INTS8: variants seen among roughly 807,000 people sequenced by gnomAD.
INTS8 encodes protein kaonashi-1.
In INTS8, 47 loss-of-function variants were observed where a neutral mutation model predicts 138.9. The observed-to-expected ratio is 0.34, with a 90% CI of 0.27 to 0.43. INTS8 has a LOEUF of 0.43. Ranked by LOEUF, INTS8 falls within the 20% of genes least tolerant of loss-of-function variation. INTS8 has a pLI of 1.00. For synonymous variants in INTS8, 392 were observed against 400.9 expected, an observed-to-expected ratio of 0.98 and a Z score of 0.27; for missense variants, 996 against 1,173.0, an observed-to-expected ratio of 0.85 and a Z score of 2.20.
At chr8:94,873,324 T>C (rs1232737529) in intron 21 of INTS8, 50 bp from the exon 22 acceptor site, 8 of 1,262,042 alleles carry the variant, frequency 6.3e-6, no homozygotes, top group Middle Eastern at 2.0e-4. Flanking sequence ...AAGGAATCCC[T>C]GTTTTTCAAC....
At chr8:94,850,479 G>A (rs966555148) in intron 12 of INTS8, among the ~76,000 whole-genome samples, 1 of 152,150 alleles carries the variant, frequency 6.6e-6, no homozygotes, top group Admixed American at 6.5e-5. Context: ...AGGCATGGTG[G>A]TGGGCGCCTG....
At chr8:94,824,839 G>C in intron 1 of INTS8, 54 bp from the exon 2 acceptor site, 2 of 835,130 alleles carry the variant, frequency 2.4e-6, no homozygotes, top group Non-Finnish European at 3.3e-6. Flanking sequence ...GAATCCTTTT[G>C]TATCTACATA....
chr8:94,869,996 A>C (rs1816334487), intron 20 of INTS8, among the ~76,000 whole-genome samples: 1 of 152,072 alleles, frequency 6.6e-6, no homozygotes, highest in Non-Finnish European at 1.5e-5. Context: ...CATGTTCCCC[A>C]TCTCTAAAAT....
intron 20 of INTS8, 188 bp downstream of exon 20, chr8:94,867,525 T>A (rs889807691): frequency 1.1e-5 from 3 of 271,700 alleles, no homozygotes; most frequent in Non-Finnish European, 1.4e-5. Context: ...ATAACCCTTT[T>A]TTTTTTTTTT....
At chr8:94,845,498 T>C (rs184306096) in intron 10 of INTS8, among the ~76,000 whole-genome samples, 118 of 152,314 alleles carry the variant, frequency 7.7e-4, no homozygotes, top group African/African-American at 2.7e-3. Flanking sequence ...TCCCTCATTC[T>C]GTTGCCCAGG....
At chr8:94,865,183 T>C (rs1317183906) in intron 16 of INTS8, among the ~76,000 whole-genome samples, 2 of 152,152 alleles carry the variant, frequency 1.3e-5, no homozygotes, top group African/African-American at 2.4e-5. Context: ...GATCATACTA[T>C]GTGTATTTAG....
Position 94,823,624 on chromosome 8 carries a change from C to T in INTS8, c.130+63C>T, listed in dbSNP as rs1359083589. On this transcript the variant is annotated intron_variant, in intron 1 of 26. Coordinates refer to ENST00000523731, the MANE Select transcript of INTS8 (RefSeq NM_017864.4). The stretch of plus-strand genomic sequence containing the variant: ...CCACCGGCGCTGTCCGCCCAGCTTC[C>T]CTCCGCTCCCCGCCTTCTCGGTCAC... 6 of 1,314,912 alleles carry T rather than the reference C, an allele frequency of 4.6e-6. No homozygotes were observed. In the African/African-American group the frequency reaches 9.1e-5, roughly 20 times the overall value. The allele number at this position is 1,314,912 out of a possible 1,614,324, so 81.5% of individuals were successfully genotyped here.
At chr8:94,855,547 A>G (rs747804166) in intron 14 of INTS8, among the ~76,000 whole-genome samples, 3 of 152,192 alleles carry the variant, frequency 2.0e-5, no homozygotes, top group Non-Finnish European at 4.4e-5. Flanking sequence ...TCTACACCTA[A>G]CATAACATTT....
chr8:94,856,697 CTT>C, intron 14 of INTS8, 78 bp from the exon 15 acceptor site: 1 of 1,130,014 alleles, frequency 8.8e-7, no homozygotes, highest in East Asian at 2.3e-5. Flanking sequence ...TCCTTCTCCT[CTT>C]TGCTCTGTCA....
chr8:94,853,298 C>T lies in INTS8; in HGVS notation c.1642-507C>T, dbSNP rs531351182. On this transcript the variant is annotated intron_variant, in intron 13 of 26. Coordinates refer to ENST00000523731, the MANE Select transcript of INTS8 (RefSeq NM_017864.4). The stretch of plus-strand genomic sequence containing the variant: ...CTGCACTCCAGCCTGGGTGACGGAG[C>T]GAGACTCTATCTCAAAAATCAAGAA... 7.2e-5 allele frequency among the ~76,000 whole-genome samples: 11 copies of T among 152,016 alleles called. No individual in the cohort carries two copies. In the South Asian group the frequency reaches 1.7e-3, roughly 23 times the overall value.
intron 12 of INTS8, 135 bp downstream of exon 12, chr8:94,850,226 C>T: frequency 1.6e-6 from 1 of 620,410 alleles, no homozygotes; most frequent in South Asian, 2.3e-5. Context: ...ATTCACCTGT[C>T]TTCCGTATCA....
chr8:94,845,864 A>G (rs941752775), intron 10 of INTS8, among the ~76,000 whole-genome samples: 1 of 152,200 alleles, frequency 6.6e-6, no homozygotes, highest in Non-Finnish European at 1.5e-5. Flanking sequence ...GCCAGTTTAG[A>G]AAGAAATTAT....
intron 6 of INTS8, 35 bp downstream of exon 6, chr8:94,832,209 T>G (rs1814745735): frequency 1.9e-5 from 30 of 1,557,618 alleles, no homozygotes; most frequent in Non-Finnish European, 2.4e-5. Flanking sequence ...GTAGGGCAAT[T>G]TTTTGGAAAA....
intron 24 of INTS8, 33 bp downstream of exon 24, chr8:94,876,180 A>G (rs905990899): frequency 1.9e-6 from 3 of 1,602,434 alleles, no homozygotes; most frequent in East Asian, 4.5e-5. Flanking sequence ...AATGAGGTCA[A>G]CATTTTTCTG....
intron 8 of INTS8, among the ~76,000 whole-genome samples, chr8:94,839,416 C>A (rs1815053526): frequency 6.6e-6 from 1 of 152,094 alleles, no homozygotes; most frequent in Non-Finnish European, 1.5e-5. Flanking sequence ...ATGTTTAACT[C>A]AAAATAGGAA....
At position 94,873,417 on chromosome 8, in the gene INTS8, A is replaced by C. The variant is rs942716871; in HGVS notation, c.2577A>C (p.Ala859=). The C allele has an allele frequency of 1.2e-6, 2 of 1,614,068 alleles. No homozygotes were observed. Among genetic ancestry groups the C allele is most frequent in the Admixed American group, 1.7e-5 (1 of 60,010 alleles). The change falls in exon 22 of 27, where the codon GCA becomes GCC. Residue 859 remains alanine (A), a synonymous_variant. Transcript: ENST00000523731. ...YSAALHYYLQ[A]GAVCSDFFNK... is the part of the protein sequence containing the mutation. ...CAGCTCTTCACTATTACCTCCAGGC[A>C]GGAGCTGTGTGTTCTGACTTCTTTA...
At chr8:94,826,768 CTTTTATG>C (rs1016615244) in intron 2 of INTS8, among the ~76,000 whole-genome samples, 4 of 152,162 alleles carry the variant, frequency 2.6e-5, no homozygotes, top group Non-Finnish European at 5.9e-5. Context: ...ATCCTGTCTA[CTTTTATG>C]TTTTACGTTT....
intron 20 of INTS8, among the ~76,000 whole-genome samples, chr8:94,869,597 A>G (rs559339827): frequency 3.9e-5 from 6 of 152,098 alleles, no homozygotes; most frequent in African/African-American, 1.4e-4. Flanking sequence ...GGTTCAAGCA[A>G]TTCTCCTGCC....
At chr8:94,855,345 T>G (rs1815705395) in intron 14 of INTS8, among the ~76,000 whole-genome samples, 1 of 152,220 alleles carries the variant, frequency 6.6e-6, no homozygotes, top group Non-Finnish European at 1.5e-5. Flanking sequence ...CTTTTGAAAA[T>G]GTATGTGCTA....
Sources: gnomAD v4.1 joint callset for allele counts (sites outside exome capture counted in the v4.1 genomes callset) on GRCh38, gnomAD v4.1.1 for gene constraint, MANE v1.5 for transcripts, NCBI Gene and HGNC (gene_info 2026-07-23, HGNC 2026-07-21) for gene names.